The following PRKACB variants were observed in gnomAD, a reference collection of about 807,000 sequenced individuals.
PRKACB encodes the protein protein kinase cAMP-activated catalytic subunit beta.
A neutral mutation model predicts 51.4 loss-of-function variants in PRKACB; 16 were observed. The ratio of observed to expected loss-of-function variants is 0.31; its 90% CI spans 0.21 to 0.47. PRKACB has a LOEUF of 0.47. Among genes scored for constraint, PRKACB ranks in the 20% least tolerant of loss-of-function variants. PRKACB has a pLI of 1.00. For missense variants in PRKACB, 309 were observed against 464.5 expected, an observed-to-expected ratio of 0.67 and a Z score of 3.08; for synonymous variants, 147 against 154.4, an observed-to-expected ratio of 0.95 and a Z score of 0.35.
intron 9 of PRKACB, among the ~76,000 whole-genome samples, chr1:84,234,605 A>G (rs1181156553): frequency 6.6e-6 from 1 of 152,212 alleles, no homozygotes; most frequent in Non-Finnish European, 1.5e-5. Flanking sequence ...GGTGCAGGAT[A>G]TAATCTCCTG....
At chr1:84,086,820 A>G (rs1648041212) in intron 1 of PRKACB, among the ~76,000 whole-genome samples, 1 of 152,172 alleles carries the variant, frequency 6.6e-6, no homozygotes, top group Non-Finnish European at 1.5e-5. Context: ...CAGGGGGCAC[A>G]GAAAATGAGT....
chr1:84,204,413 C>T, intron 8 of PRKACB: 1 of 1,211,470 alleles, frequency 8.3e-7, no homozygotes, highest in South Asian at 1.3e-5. Context: ...AGTATCACTG[C>T]TGTTCTTCTT....
chr1:84,184,269 GTAATTAAAT>G, intron 4 of PRKACB, 134 bp downstream of exon 4: 1 of 698,702 alleles, frequency 1.4e-6, no homozygotes, highest in African/African-American at 1.9e-5. Flanking sequence ...TAGAGTTTGT[GTAATTAAAT>G]CCTATTGTGC....
At chr1:84,169,674 A>G (rs1658744615) in intron 1 of PRKACB, among the ~76,000 whole-genome samples, 1 of 151,732 alleles carries the variant, frequency 6.6e-6, no homozygotes, top group Non-Finnish European at 1.5e-5. Flanking sequence ...CAGAGCAGAT[A>G]TGATTTATAG....
At chr1:84,171,703 C>T (rs1659532489) in intron 1 of PRKACB, among the ~76,000 whole-genome samples, 1 of 151,412 alleles carries the variant, frequency 6.6e-6, no homozygotes, top group Non-Finnish European at 1.5e-5. Flanking sequence ...AGCAGTAAAA[C>T]AAGAAAAACG....
intron 1 of PRKACB, chr1:84,164,966 G>A: frequency 6.5e-7 from 1 of 1,542,262 alleles, no homozygotes; most frequent in African/African-American, 1.4e-5. Flanking sequence ...CTGTTGGATT[G>A]TTATTTTGAG....
intron 1 of PRKACB, among the ~76,000 whole-genome samples, chr1:84,150,014 C>T (rs548860902): frequency 6.6e-6 from 1 of 152,204 alleles, no homozygotes; most frequent in Non-Finnish European, 1.5e-5. Flanking sequence ...CCTGTAATCC[C>T]AGCACTTTGG....
At chr1:84,215,869 AT>A (rs952504335) in intron 9 of PRKACB, among the ~76,000 whole-genome samples, 1 of 151,782 alleles carries the variant, frequency 6.6e-6, no homozygotes, top group Non-Finnish European at 1.5e-5. Context: ...AATATATTTA[AT>A]TTTTTTCTTC....
Position 84,182,206 on chromosome 1 carries a change from G to A in PRKACB, c.256G>A (p.Ala86Thr). 1 of 1,561,038 alleles carries A rather than the reference G, an allele frequency of 6.4e-7. No individual in the cohort carries two copies. The highest frequency in any genetic ancestry group is 1.2e-5 in the South Asian group (1 of 82,990). ...TTTATGTATTTACATATAGAATAAT[G>A]CCGGACTTGAAGATTTTGAAAGGAA... The part of the protein sequence containing the change: ...KKWENPTQNN[A>T]GLEDFERKKT... The change falls in exon 3 of 10, where the codon GCC (alanine) becomes ACC (threonine). Residue 86 changes from alanine to threonine, a missense_variant. By Grantham distance (58) the Ala-to-Thr change is moderately conservative (BLOSUM62 0). Transcript: ENST00000370685.
At chr1:84,138,286 T>C (rs1653029519) in intron 1 of PRKACB, among the ~76,000 whole-genome samples, 1 of 152,198 alleles carries the variant, frequency 6.6e-6, no homozygotes, top group Admixed American at 6.5e-5. Context: ...AGGAAGTTGA[T>C]GGAGCTTCCC....
chr1:84,130,696 C>T (rs1652099996), intron 1 of PRKACB, among the ~76,000 whole-genome samples: 1 of 152,100 alleles, frequency 6.6e-6, no homozygotes, highest in Non-Finnish European at 1.5e-5. Context: ...GCCAAGAAAA[C>T]AACATCCAAA....
chr1:84,117,300 T>G (rs1366492844), intron 1 of PRKACB, among the ~76,000 whole-genome samples: 1 of 152,140 alleles, frequency 6.6e-6, no homozygotes, highest in Non-Finnish European at 1.5e-5. Context: ...TGGTATCAGA[T>G]TGGTGCTGAC....
chr1:84,147,580 A>C (rs1258388712), intron 1 of PRKACB, among the ~76,000 whole-genome samples: 2 of 152,004 alleles, frequency 1.3e-5, no homozygotes, highest in African/African-American at 4.8e-5. Context: ...TCTTACCCCC[A>C]AAAAGAAGAG....
intron 1 of PRKACB, among the ~76,000 whole-genome samples, chr1:84,139,193 T>C (rs1653138834): frequency 6.6e-6 from 1 of 152,140 alleles, no homozygotes; most frequent in African/African-American, 2.4e-5. Flanking sequence ...ACCAATGCAA[T>C]AAGGCAAGAC....
chr1:84,156,287 G>A (rs1362921619), intron 1 of PRKACB, among the ~76,000 whole-genome samples: 2 of 152,026 alleles, frequency 1.3e-5, no homozygotes, highest in African/African-American at 4.8e-5. Context: ...GAACATATAA[G>A]CTAGTGATAT....
chr1:84,148,843 A>G (rs907871803), intron 1 of PRKACB, among the ~76,000 whole-genome samples: 1 of 152,214 alleles, frequency 6.6e-6, no homozygotes, highest in Admixed American at 6.5e-5. Flanking sequence ...TACTATATCA[A>G]CTGTACTAAC....
chr1:84,212,101 C>T (rs114320443), intron 8 of PRKACB, among the ~76,000 whole-genome samples: 95 of 152,228 alleles, frequency 6.2e-4, no homozygotes, highest in African/African-American at 2.1e-3. Context: ...GTATTATTTA[C>T]ATTTAAAATG....
At chr1:84,209,419 A>G (rs1671812776) in intron 8 of PRKACB, among the ~76,000 whole-genome samples, 1 of 151,708 alleles carries the variant, frequency 6.6e-6, no homozygotes, top group African/African-American at 2.4e-5. Context: ...ACTGATGGCA[A>G]CTCCACCCTT....
chr1:84,102,725 C>G (rs1557933727), intron 1 of PRKACB, among the ~76,000 whole-genome samples: 2 of 152,160 alleles, frequency 1.3e-5, no homozygotes, highest in Admixed American at 6.5e-5. Flanking sequence ...AGCTACTCAC[C>G]TCTTCACATA....
Sources: allele counts gnomAD v4.1 joint callset (sites outside exome capture counted in the v4.1 genomes callset), GRCh38; gene constraint gnomAD v4.1.1; transcripts MANE v1.5; gene names NCBI Gene and HGNC (gene_info 2026-07-23, HGNC 2026-07-21).